Variants in ZNF483 observed in about 807,000 individuals in gnomAD.
The protein encoded by ZNF483 is zinc finger protein HIT-10.
Under a neutral mutation model 28.6 loss-of-function variants are expected in ZNF483, and 9 were observed. The observed-to-expected ratio is 0.32, with a 90% CI of 0.19 to 0.55. The LOEUF is 0.55. Among genes scored for constraint, ZNF483 ranks in the 20% least tolerant of loss-of-function variants. The pLI is 0.93. For synonymous variants in ZNF483, 322 were observed against 306.2 expected (o/e 1.05, Z -0.54); for missense variants, 675 against 871.7 (o/e 0.77, Z 2.84).
At chr9:111,532,484 G>A (rs561883677) in intron 3 of ZNF483, among the ~76,000 whole-genome samples, 25 of 152,248 alleles carry the variant, frequency 1.6e-4, no homozygotes, top group Admixed American at 3.3e-4. Context: ...TGATAGGGCC[G>A]TAAGACAAGG....
At chr9:111,537,895 G>A (rs796877170) in intron 5 of ZNF483, among the ~76,000 whole-genome samples, 12 of 152,272 alleles carry the variant, frequency 7.9e-5, no homozygotes, top group African/African-American at 2.4e-4. Context: ...CCAAAGTGGT[G>A]GGATTATGGG....
rs2132260784 is a variant in ZNF483 at position 111,543,595 on chromosome 9, T to C, written c.*425T>C. 1 of 988,350 alleles carries C rather than the reference T, an allele frequency of 1.0e-6. No homozygotes were observed. The highest frequency in any genetic ancestry group is 1.2e-6 in the Non-Finnish European group (1 of 832,050). 61.2% of individuals were successfully genotyped at this position (988,350 alleles called of 1,614,324 possible). A position where few individuals can be genotyped will look rare whatever the true frequency, so the allele number is the denominator to read the frequency against. ...AATTTTATTTTCGTCACCAGCAGAA[T>C]GAAGGGATGGGATTAATGATTTTTG... On this transcript the variant is annotated 3_prime_UTR_variant, in exon 6 of 6. Coordinates refer to ENST00000309235, the MANE Select transcript of ZNF483 (RefSeq NM_133464.5).
At chr9:111,560,636 CAAAAAAAA>C (rs1015199330) in intron 5 of ZNF483, among the ~76,000 whole-genome samples, 5 of 26,296 alleles carry the variant, frequency 1.9e-4, no homozygotes, top group African/African-American at 8.6e-4. Context: ...GACACCATCT[CAAAAAAAA>C]AAAAAAAAAA....
chr9:111,551,394 G>GTTTTTTTTTTTT lies in ZNF483; in HGVS notation c.*8229_*8230insTTTTTTTTTTTT, dbSNP rs1318646819. ...TTCCAATAACTGAATCAAGTATCCA[G>GTTTTTTTTTTTT]TTTTTGTTTTTTTTTTTTTTTTTTT... On this transcript the variant is annotated 3_prime_UTR_variant, in exon 6 of 6. Transcript: ENST00000309235. 8.7e-6 allele frequency among the ~76,000 whole-genome samples: 1 copy of GTTTTTTTTTTTT among 115,498 alleles called. No individual in the cohort carries two copies. 75.8% of individuals were successfully genotyped at this position (115,498 alleles called of 152,430 possible). A position where few individuals can be genotyped will look rare whatever the true frequency, so the allele number is the denominator to read the frequency against.
At chr9:111,561,138 G>GAGA (rs1446000883) in intron 5 of ZNF483, among the ~76,000 whole-genome samples, 37 of 20,056 alleles carry the variant, frequency 1.8e-3, no homozygotes, top group East Asian at 4.5e-3. Flanking sequence ...GAGAGAGAGA[G>GAGA]GAGAGAGAGG....
chr9:111,556,324 G>A (rs982062780), downstream of ZNF483, among the ~76,000 whole-genome samples: 1 of 152,254 alleles, frequency 6.6e-6, no homozygotes, highest in South Asian at 2.1e-4. Context: ...TTGAGTGCCT[G>A]TGACTTTTCC....
In ZNF483 at chr9:111,542,248, C is replaced by G. The variant is rs1827691706; in HGVS notation, c.1313C>G (p.Thr438Ser). The G allele has an allele frequency of 2.5e-6, 4 of 1,614,162 alleles. No individual in the cohort carries two copies. Among genetic ancestry groups the G allele is most frequent in the Middle Eastern group, 1.6e-4 (1 of 6,062 alleles). ...GAGGGAAATGAGAGTGGAGAAAAAACTCATAAATGTAGTAAGTGTGGAAAA... is the reference window on the plus strand; with the variant it reads ...GAGGGAAATGAGAGTGGAGAAAAAAGTCATAAATGTAGTAAGTGTGGAAAA... ...KDEGNESGEK[T>S]HKCSKCGKAF... Residue 438 changes from threonine (T) to serine (S), a missense_variant, in exon 6 of 6, where the codon ACT becomes AGT. Physicochemically the swap from Thr to Ser is moderately conservative, Grantham distance 58 (BLOSUM62 1). Coordinates refer to ENST00000309235, the MANE Select transcript of ZNF483 (RefSeq NM_133464.5). This position sits in a 1 kb window ranked among gnomAD's most constrained non-coding sequence, Gnocchi z 6.2.
intron 5 of ZNF483, among the ~76,000 whole-genome samples, chr9:111,540,880 G>T (rs1440795965): frequency 2.0e-5 from 3 of 152,110 alleles, no homozygotes; most frequent in African/African-American, 2.4e-5. Context: ...TTAATACTCT[G>T]TGTTCCCAGT....
At chr9:111,530,411 G>T (rs570966262) in intron 2 of ZNF483, among the ~76,000 whole-genome samples, 1 of 152,170 alleles carries the variant, frequency 6.6e-6, no homozygotes, top group South Asian at 2.1e-4. Flanking sequence ...AGTGTTACGT[G>T]AGCCACTCTA....
intron 5 of ZNF483, chr9:111,574,909 T>G: frequency 7.9e-7 from 1 of 1,270,810 alleles, no homozygotes; most frequent in Non-Finnish European, 1.1e-6. Context: ...AATCATTAAG[T>G]CACAAGCATT....
intron 5 of ZNF483, among the ~76,000 whole-genome samples, chr9:111,561,139 GAGAGAGAGGGAGAGAGAGA>G (rs1564608050): frequency 0.016 from 248 of 15,552 alleles, 11 homozygotes; most frequent in African/African-American, 0.029. Context: ...AGAGAGAGAG[GAGAGAGAGGGAGAGAGAGA>G]GAGAGAGAGA....
At chr9:111,575,777 C>G (rs1035915648) in intron 5 of ZNF483, among the ~76,000 whole-genome samples, 5 of 151,708 alleles carry the variant, frequency 3.3e-5, no homozygotes, top group Admixed American at 1.3e-4. Context: ...AATGTAACAG[C>G]TAAAACTATA....
At chr9:111,525,941 G>C (rs565409556) in intron 1 of ZNF483, among the ~76,000 whole-genome samples, 1 of 152,128 alleles carries the variant, frequency 6.6e-6, no homozygotes, top group Non-Finnish European at 1.5e-5. Context: ...TTGTAGTCCC[G>C]CTCCGGCTGT....
rs189769145 is a variant in ZNF483, at chr9:111,551,440, C to T, written c.*8270C>T. 3.1e-3 allele frequency among the ~76,000 whole-genome samples: 395 copies of T among 125,512 alleles called. 2 individuals carry two copies. Among genetic ancestry groups the T allele is most frequent in the South Asian group, 0.012 (43 of 3,540 alleles). 82.3% of individuals were successfully genotyped at this position (125,512 alleles called of 152,430 possible). A position where few individuals can be genotyped will look rare whatever the true frequency, so the allele number is the denominator to read the frequency against. On this transcript the variant is annotated 3_prime_UTR_variant, in exon 6 of 6. Transcript: ENST00000309235. ...TTTTTTTTTTTGAGATGGAGTCTCA[C>T]TCTGTTGCCCAGGCTGGAGTGCAGT...
rs762004211 is a variant in ZNF483, at chr9:111,527,442, A to G, written c.47A>G (p.Glu16Gly). The change falls in exon 2 of 6, where the codon GAA becomes GGA. Residue 16 changes from glutamate to glycine, a missense_variant. By Grantham distance (98) the Glu-to-Gly change is moderately conservative. This residue lies in a region of ZNF483 where 525 missense variants were observed against 581.8 expected (regional missense o/e 0.90). Coordinates refer to ENST00000309235, the MANE Select transcript of ZNF483 (RefSeq NM_133464.5). Reference sequence around the variant, plus strand: ...AACAAGATGACAGCCATCTCACCAGAACCTCAAACTCTGGCCTCGACTGAA... The same window carrying G: ...AACAAGATGACAGCCATCTCACCAGGACCTCAAACTCTGGCCTCGACTGAA... Reference protein sequence around the residue: ...PLNKMTAISPEPQTLASTEQN... With the variant: ...PLNKMTAISPGPQTLASTEQN... The G allele has an allele frequency of 2.5e-6, 4 of 1,614,130 alleles. No individual in the cohort carries two copies. The South Asian group carries it at 4.4e-5, about 18-fold the overall frequency.
At chr9:111,576,690 C>T (rs1373720875) in exon 6 of ZNF483, 2 of 322,120 alleles carry the variant, frequency 6.2e-6, no homozygotes, top group South Asian at 8.4e-5. Flanking sequence ...GTACATATTT[C>T]CCCTAGAAGC....
chr9:111,541,481 C>G (rs1379556280), intron 5 of ZNF483, among the ~76,000 whole-genome samples, 176 bp from the exon 6 acceptor site: 2 of 152,134 alleles, frequency 1.3e-5, no homozygotes, highest in African/African-American at 2.4e-5. Flanking sequence ...TTTCTTAACC[C>G]ATGTGTTTAC....
rs1001753730 is a variant in ZNF483 at position 111,542,238 on chromosome 9, G to A, written c.1303G>A (p.Gly435Arg). 1 of 1,613,918 alleles carries A rather than the reference G, an allele frequency of 6.2e-7. No homozygotes were observed. The highest frequency in any genetic ancestry group is 1.7e-5 in the Admixed American group (1 of 60,000). The change falls in exon 6 of 6, where the codon GGA (glycine) becomes AGA (arginine). Residue 435 changes from glycine (G) to arginine (R), a missense_variant. Physicochemically the swap from Gly to Arg is moderately radical, Grantham distance 125 (BLOSUM62 -2). Transcript: ENST00000309235. This position sits in a 1 kb window ranked among gnomAD's most constrained non-coding sequence, Gnocchi z 6.2. ...ALNKDEGNESGEKTHKCSKCG... is the reference protein window; with the variant it reads ...ALNKDEGNESREKTHKCSKCG... ...AAATAAAGATGAGGGAAATGAGAGT[G>A]GAGAAAAAACTCATAAATGTAGTAA...
At chr9:111,568,384 AG>A (rs1828666656) in intron 5 of ZNF483, among the ~76,000 whole-genome samples, 1 of 152,142 alleles carries the variant, frequency 6.6e-6, no homozygotes, top group African/African-American at 2.4e-5. Flanking sequence ...CAGGCTTATT[AG>A]GGTGGGGGAA....
Sources: allele counts gnomAD v4.1 joint callset (sites outside exome capture counted in the v4.1 genomes callset), GRCh38; gene constraint gnomAD v4.1.1; regional missense constraint gnomAD v4.1.1; non-coding constraint Gnocchi (gnomAD v3.1); transcripts MANE v1.5; gene names NCBI Gene and HGNC (gene_info 2026-07-23, HGNC 2026-07-21).